The following IYD variants were observed in gnomAD, a reference collection of about 807,000 sequenced individuals.
The protein encoded by IYD is iodotyrosine deiodinase.
IYD carries 25 observed loss-of-function variants against 28.4 expected under a neutral mutation model. The observed-to-expected ratio is 0.88, with a 90% confidence interval of 0.64 to 1.23. The LOEUF (loss-of-function observed/expected upper bound fraction) is 1.23. Among genes scored for constraint, IYD ranks in the 50% most tolerant of loss-of-function variants. IYD has a pLI of 0.00. For synonymous variants in IYD, 140 were observed against 130.8 expected (o/e 1.07, Z -0.48); for missense variants, 352 against 357.9 (o/e 0.98, Z 0.13).
intron 4 of IYD, chr6:150,395,532 A>T (rs570975922): frequency 1.3e-6 from 2 of 1,537,330 alleles, no homozygotes; most frequent in East Asian, 2.4e-5. Context: ...GAAGCAGCGA[A>T]GCCTGCAGCA....
intron 1 of IYD, among the ~76,000 whole-genome samples, chr6:150,378,059 C>T (rs563780055): frequency 5.3e-5 from 8 of 152,290 alleles, no homozygotes; most frequent in South Asian, 2.1e-4. Flanking sequence ...CGCCTGCTAA[C>T]GTTGTTATTG....
At chr6:150,381,446 C>T (rs1316778651) in intron 1 of IYD, among the ~76,000 whole-genome samples, 1 of 152,128 alleles carries the variant, frequency 6.6e-6, no homozygotes, top group Non-Finnish European at 1.5e-5. Context: ...TGGCCTTCTT[C>T]TCATTGAAAA....
intron 1 of IYD, among the ~76,000 whole-genome samples, chr6:150,389,001 C>A (rs1778009656): frequency 6.6e-6 from 1 of 152,140 alleles, no homozygotes; most frequent in East Asian, 1.9e-4. Flanking sequence ...CACGCCCGGA[C>A]TTTTCTTCCT....
chr6:150,370,029 C>T (rs887774563), intron 1 of IYD: 6 of 701,938 alleles, frequency 8.5e-6, no homozygotes, highest in South Asian at 4.4e-5. Flanking sequence ...AGGGAGAGAG[C>T]GTGGAGGAAG....
chr6:150,376,663 T>C (rs1017940302), intron 1 of IYD, among the ~76,000 whole-genome samples: 18 of 152,172 alleles, frequency 1.2e-4, no homozygotes, highest in Non-Finnish European at 2.1e-4. Context: ...TATTGCTTTG[T>C]TGCCCAGGCT....
chr6:150,388,077 T>A (rs929922147), intron 1 of IYD, among the ~76,000 whole-genome samples: 1 of 152,202 alleles, frequency 6.6e-6, no homozygotes. Flanking sequence ...TGCTGATGAT[T>A]GTACTTAAAA....
chr6:150,398,074 T>C lies in IYD; in HGVS notation c.707T>C (p.Val236Ala), dbSNP rs1287996137. ...TTTTAGAATGCAGGTCTGGTGACTG[T>C]CACTACCACTCCTCTCAACTGTGGC... ...AALQNAGLVT[V>A]TTTPLNCGPR... Residue 236 changes from valine to alanine, a missense_variant, in exon 5 of 5, where the codon GTC (valine) becomes GCC (alanine). Val to Ala is a moderately conservative substitution (Grantham distance 64, BLOSUM62 0). Transcript: ENST00000344419. The C allele has an allele frequency of 6.2e-7, 1 of 1,614,176 alleles. No homozygotes were observed. The highest frequency in any genetic ancestry group is 8.5e-7 in the Non-Finnish European group (1 of 1,180,030).
chr6:150,382,078 G>A (rs1329170696), intron 1 of IYD, among the ~76,000 whole-genome samples: 1 of 152,144 alleles, frequency 6.6e-6, no homozygotes, highest in Non-Finnish European at 1.5e-5. Context: ...CTATTGCTGC[G>A]AGTACTGTCG....
rs76969965 is a variant in IYD at position 150,389,603 on chromosome 6, C to T, written c.370+60C>T. On this transcript the variant is annotated intron_variant, in intron 2 of 4. Coordinates refer to ENST00000344419, the MANE Select transcript of IYD (RefSeq NM_203395.3). ...AGTCACCTTACTGGTGTGACTCCAA[C>T]AATGGAAAAATGTCAAAGTTTAAAC... 3.1e-3 allele frequency: 4,350 copies of T among 1,399,818 alleles called. 96 individuals carry two copies. In the African/African-American group the frequency reaches 0.052, roughly 17 times the overall value. 86.7% of individuals were successfully genotyped at this position (1,399,818 alleles called of 1,614,324 possible).
chr6:150,386,675 T>C (rs1174785059), intron 1 of IYD, among the ~76,000 whole-genome samples: 2 of 152,168 alleles, frequency 1.3e-5, no homozygotes, highest in East Asian at 3.8e-4. Flanking sequence ...TAAAAGTCTG[T>C]CTTGAGGTCA....
intron 1 of IYD, among the ~76,000 whole-genome samples, chr6:150,380,597 C>A (rs545154325): frequency 9.2e-5 from 14 of 152,166 alleles, no homozygotes; most frequent in African/African-American, 3.4e-4. Context: ...TTTGAGGAGG[C>A]CAATTCCCTC....
chr6:150,374,127 C>T (rs1463093694), intron 1 of IYD, among the ~76,000 whole-genome samples: 1 of 152,202 alleles, frequency 6.6e-6, no homozygotes, highest in Admixed American at 6.5e-5. Flanking sequence ...GATAAAAATA[C>T]CTTTTCCTCT....
At chr6:150,372,604 TTG>T (rs199907597) in intron 1 of IYD, among the ~76,000 whole-genome samples, 11,365 of 21,554 alleles carry the variant, frequency 0.53, 3,533 homozygotes, top group East Asian at 0.86. Flanking sequence ...GAACATTGTG[TTG>T]GTCCATGCTT....
At chr6:150,391,950 C>T (rs1238360775) in intron 2 of IYD, among the ~76,000 whole-genome samples, 4 of 151,840 alleles carry the variant, frequency 2.6e-5, no homozygotes, top group African/African-American at 9.7e-5. Flanking sequence ...CTCAGGTGAT[C>T]CACCCACCTC....
chr6:150,394,828 C>A (rs545646234), intron 4 of IYD, among the ~76,000 whole-genome samples: 1 of 152,280 alleles, frequency 6.6e-6, no homozygotes, highest in South Asian at 2.1e-4. Flanking sequence ...ATTTTCTGAG[C>A]TCCTTTTTGT....
At chr6:150,374,310 A>G (rs1777369321) in intron 1 of IYD, among the ~76,000 whole-genome samples, 1 of 152,242 alleles carries the variant, frequency 6.6e-6, no homozygotes, top group African/African-American at 2.4e-5. Flanking sequence ...CAAAAAGTGA[A>G]CAGTCGTGGA....
At chr6:150,374,316 G>A (rs991748466) in intron 1 of IYD, among the ~76,000 whole-genome samples, 12 of 152,178 alleles carry the variant, frequency 7.9e-5, no homozygotes, top group South Asian at 2.1e-4. Context: ...GTGAACAGTC[G>A]TGGAGACATA....
chr6:150,391,074 T>A (rs567495039), intron 2 of IYD, among the ~76,000 whole-genome samples: 3 of 151,930 alleles, frequency 2.0e-5, no homozygotes, highest in Non-Finnish European at 2.9e-5. Context: ...CCGTCTCTAC[T>A]AAGTGTAGAA....
At chr6:150,386,926 G>A (rs1777884618) in intron 1 of IYD, among the ~76,000 whole-genome samples, 1 of 151,918 alleles carries the variant, frequency 6.6e-6, no homozygotes, top group South Asian at 2.1e-4. Flanking sequence ...GGAACATTTA[G>A]TTCATTTCTA....
Sources: allele counts gnomAD v4.1 joint callset (sites outside exome capture counted in the v4.1 genomes callset), GRCh38; gene constraint gnomAD v4.1.1; transcripts MANE v1.5; gene names NCBI Gene and HGNC (gene_info 2026-07-23, HGNC 2026-07-21).